Variants in LIN52 observed in about 807,000 individuals in gnomAD.
LIN52 encodes lin-52 DREAM MuvB core complex component.
LIN52 carries 4 observed loss-of-function variants against 18.5 expected under a neutral mutation model. The observed-to-expected ratio is 0.22, with a 90% CI of 0.11 to 0.49. LIN52 has a LOEUF of 0.49. Among genes scored for constraint, LIN52 ranks in the 20% least tolerant of loss-of-function variants. LIN52 has a pLI of 0.97. For synonymous variants in LIN52, 34 were observed against 45.5 expected, an observed-to-expected ratio of 0.75 and a Z score of 1.02; for missense variants, 102 against 139.5, an observed-to-expected ratio of 0.73 and a Z score of 1.35.
intron 5 of LIN52, among the ~76,000 whole-genome samples, chr14:74,119,074 T>G (rs2139918820): frequency 6.6e-6 from 1 of 152,332 alleles, no homozygotes; most frequent in South Asian, 2.1e-4. Context: ...GATGGATATT[T>G]GGACTATTTC....
At chr14:74,186,856 A>G (rs376171849) in intron 5 of LIN52, among the ~76,000 whole-genome samples, 1 of 152,190 alleles carries the variant, frequency 6.6e-6, no homozygotes, top group Non-Finnish European at 1.5e-5. Flanking sequence ...AGGCTGTTGC[A>G]TCACTGGAGG....
intron 5 of LIN52, among the ~76,000 whole-genome samples, chr14:74,178,689 G>A (rs550863662): frequency 1.3e-5 from 2 of 151,558 alleles, no homozygotes; most frequent in South Asian, 2.1e-4. Context: ...CAAATTCCTG[G>A]CCTCAAGTGA....
At position 74,130,278 on chromosome 14, in the gene LIN52, G is replaced by GTTTTT. The variant is rs71460958; in HGVS notation, c.283+29054_283+29058dup. Among the ~76,000 whole-genome samples the GTTTTT allele has an allele frequency of 6.9e-3, 445 of 64,776 alleles. 46 individuals are homozygous for GTTTTT. The highest frequency in any genetic ancestry group is 0.02 in the African/African-American group (319 of 15,852). 42.5% of individuals were successfully genotyped at this position (64,776 alleles called of 152,430 possible). A position where few individuals can be genotyped will look rare whatever the true frequency, so the allele number is the denominator to read the frequency against. On this transcript the variant is annotated intron_variant, in intron 5 of 5. Coordinates refer to ENST00000555028, the MANE Select transcript of LIN52 (RefSeq NM_001024674.3). ...GAATTTATTAGATAGGCATTTTTTG[G>GTTTTT]TTTTTTTTTTTTTTTTTTGAGACAG...
intron 5 of LIN52, among the ~76,000 whole-genome samples, chr14:74,131,251 C>G (rs2061065162): frequency 6.6e-6 from 1 of 151,786 alleles, no homozygotes; most frequent in Non-Finnish European, 1.5e-5. Flanking sequence ...GCTTAGAATT[C>G]CTAAGTGCTA....
At chr14:74,086,646 C>T (rs191056674) in intron 1 of LIN52, among the ~76,000 whole-genome samples, 1 of 151,442 alleles carries the variant, frequency 6.6e-6, no homozygotes, top group East Asian at 1.9e-4. Flanking sequence ...CAAAGCGAGA[C>T]CCCGTCTCAG....
chr14:74,178,632 AT>A (rs35242538), intron 5 of LIN52, among the ~76,000 whole-genome samples: 123,167 of 151,060 alleles, frequency 0.82, 50,423 homozygotes, highest in Admixed American at 0.83. Context: ...TAATTTTTGT[AT>A]TTTTTTAGTA....
intron 5 of LIN52, among the ~76,000 whole-genome samples, chr14:74,182,476 G>A (rs569025835): frequency 1.3e-5 from 2 of 152,160 alleles, no homozygotes; most frequent in South Asian, 4.2e-4. Flanking sequence ...GCTAAGTAAT[G>A]TAGATGCTGA....
intron 5 of LIN52, among the ~76,000 whole-genome samples, chr14:74,157,453 A>ATT (rs1214178983): frequency 4.5e-4 from 29 of 64,644 alleles, no homozygotes; most frequent in Middle Eastern, 6.3e-3. Context: ...CTATATATAT[A>ATT]TATATATTTT....
intron 5 of LIN52, among the ~76,000 whole-genome samples, chr14:74,171,513 A>G (rs1407254347): frequency 6.6e-6 from 1 of 152,084 alleles, no homozygotes; most frequent in African/African-American, 2.4e-5. Flanking sequence ...TAGTGGAAAA[A>G]AATTGTAAAT....
intron 5 of LIN52, among the ~76,000 whole-genome samples, chr14:74,160,085 A>G (rs760700052): frequency 5.3e-5 from 8 of 152,242 alleles, no homozygotes; most frequent in Non-Finnish European, 1.2e-4. Flanking sequence ...TTATTTGGAG[A>G]TAGGCTCTTT....
intron 5 of LIN52, among the ~76,000 whole-genome samples, chr14:74,144,902 C>T (rs916848856): frequency 3.9e-5 from 6 of 152,108 alleles, no homozygotes; most frequent in African/African-American, 7.2e-5. Context: ...CAGATGATCA[C>T]GGGTTGTGTG....
At chr14:74,169,011 G>A (rs926978331) in intron 5 of LIN52, among the ~76,000 whole-genome samples, 3 of 152,132 alleles carry the variant, frequency 2.0e-5, no homozygotes, top group Admixed American at 6.6e-5. Context: ...CCGAGATCAC[G>A]CCAGTGTACT....
Position 74,198,959 on chromosome 14 carries a change from A to G in LIN52, c.321A>G (p.Leu107=), listed in dbSNP as rs758793064. ...EMTRGKFLNI[L]EKPKK ...CACGGGGGAAATTCCTCAATATTCT[A>G]GAGAAGCCCAAGAAGTAGCAGCTGC... Residue 107 remains leucine (L), a synonymous_variant, in exon 6 of 6, where the codon CTA becomes CTG. Transcript: ENST00000555028. The G allele has an allele frequency of 7.4e-6, 12 of 1,613,036 alleles. No homozygotes were observed.
At chr14:74,156,036 G>A (rs1161108842) in intron 5 of LIN52, among the ~76,000 whole-genome samples, 1 of 152,150 alleles carries the variant, frequency 6.6e-6, no homozygotes, top group African/African-American at 2.4e-5. Context: ...GGGATGACTG[G>A]AGACTGTACA....
intron 5 of LIN52, among the ~76,000 whole-genome samples, chr14:74,117,662 G>C (rs2060973424): frequency 6.6e-6 from 1 of 152,116 alleles, no homozygotes. Context: ...AGTTATTGAT[G>C]TTCTAGAAAT....
intron 5 of LIN52, among the ~76,000 whole-genome samples, chr14:74,130,026 T>G (rs1426632662): frequency 6.6e-6 from 1 of 151,916 alleles, no homozygotes; most frequent in Non-Finnish European, 1.5e-5. Flanking sequence ...GCAGGGAAAC[T>G]CCTCCTTTTA....
At chr14:74,173,326 T>A (rs1043224770) in intron 5 of LIN52, among the ~76,000 whole-genome samples, 1 of 152,142 alleles carries the variant, frequency 6.6e-6, no homozygotes, top group Admixed American at 6.6e-5. Flanking sequence ...TAGCTGGGAT[T>A]ACAGGCTTGC....
intron 5 of LIN52, among the ~76,000 whole-genome samples, chr14:74,118,821 C>T (rs962941198): frequency 3.9e-5 from 6 of 152,126 alleles, no homozygotes; most frequent in Admixed American, 3.9e-4. Context: ...CTCCTTTGTG[C>T]CCCTTCTAGT....
At chr14:74,155,166 C>T (rs1340769901) in intron 5 of LIN52, among the ~76,000 whole-genome samples, 1 of 152,196 alleles carries the variant, frequency 6.6e-6, no homozygotes, top group Non-Finnish European at 1.5e-5. Context: ...TTGCTTGTTG[C>T]TTGTGCTGCC....
Sources: allele counts gnomAD v4.1 joint callset (sites outside exome capture counted in the v4.1 genomes callset), GRCh38; gene constraint gnomAD v4.1.1; transcripts MANE v1.5; gene names NCBI Gene and HGNC (gene_info 2026-07-23, HGNC 2026-07-21).